Variants in CACNA1C observed in about 807,000 individuals in gnomAD.
The protein encoded by CACNA1C is voltage-dependent L-type calcium channel subunit alpha-1C.
A neutral mutation model predicts 229.0 loss-of-function variants in CACNA1C; 30 were observed. The observed-to-expected ratio is 0.13, with a 90% confidence interval of 0.10 to 0.18. CACNA1C has a LOEUF of 0.18. Among genes scored for constraint, CACNA1C ranks in the 10% least tolerant of loss-of-function variants. The pLI, the probability that CACNA1C is intolerant of heterozygous loss-of-function variation, is 1.00. For missense variants in CACNA1C, 1,658 were observed against 2,845.0 expected, an observed-to-expected ratio of 0.58 and a Z score of 9.49; for synonymous variants, 1,114 against 1,132.5, an observed-to-expected ratio of 0.98 and a Z score of 0.33.
intron 2 of CACNA1C, among the ~76,000 whole-genome samples, chr12:2,117,556 G>A (rs1428926614): frequency 1.3e-5 from 2 of 152,370 alleles, no homozygotes; most frequent in South Asian, 2.1e-4. Flanking sequence ...CCTAAATCAC[G>A]CAGCTGGCAA....
intron 2 of CACNA1C, 28 bp from the exon 3 acceptor site, chr12:2,120,297 C>T (rs760538776): frequency 2.0e-6 from 2 of 1,004,994 alleles, no homozygotes; most frequent in South Asian, 1.3e-5. Flanking sequence ...CTTTCTGTGG[C>T]ATTAACTTCC....
chr12:2,047,182 C>T (rs751325844), intron 1 of CACNA1C, among the ~76,000 whole-genome samples: 1 of 152,210 alleles, frequency 6.6e-6, no homozygotes, highest in Non-Finnish European at 1.5e-5. Flanking sequence ...AGAAAGTTAA[C>T]CTCTTAGCTA....
chr12:2,166,172 A>T (rs1326786937), intron 3 of CACNA1C, among the ~76,000 whole-genome samples: 1 of 152,124 alleles, frequency 6.6e-6, no homozygotes, highest in Admixed American at 6.5e-5. Flanking sequence ...CCCAGCAAAC[A>T]TTCTGTGCTG....
At chr12:2,495,445 T>C (rs779866954) in intron 7 of CACNA1C, among the ~76,000 whole-genome samples, 3 of 152,038 alleles carry the variant, frequency 2.0e-5, no homozygotes, top group Non-Finnish European at 4.4e-5. Context: ...GGAGGGTGGG[T>C]GGAGGGTAGG....
intron 42 of CACNA1C, chr12:2,680,340 G>C (rs1172195161): frequency 2.0e-6 from 3 of 1,502,436 alleles, no homozygotes; most frequent in East Asian, 4.9e-5. Context: ...TTTTCTCCTT[G>C]TCCTCTCATC....
At chr12:2,304,853 C>A (rs190846793) in intron 3 of CACNA1C, among the ~76,000 whole-genome samples, 1 of 152,354 alleles carries the variant, frequency 6.6e-6, no homozygotes, top group Admixed American at 6.5e-5. Context: ...AGGTCTCAGG[C>A]AGGGCAGGCA....
intron 3 of CACNA1C, among the ~76,000 whole-genome samples, chr12:2,336,931 C>T (rs995940735): frequency 1.3e-5 from 2 of 152,182 alleles, no homozygotes; most frequent in East Asian, 3.9e-4. Flanking sequence ...GAAAAGGTGG[C>T]TTCCCCTGGA....
At chr12:2,472,134 A>C (rs1010839322) in intron 5 of CACNA1C, among the ~76,000 whole-genome samples, 2 of 152,182 alleles carry the variant, frequency 1.3e-5, no homozygotes, top group Admixed American at 1.3e-4. Flanking sequence ...AGCTTCTCAG[A>C]TACACTCATA....
At chr12:2,652,248 G>A (rs1049092623) in intron 32 of CACNA1C, among the ~76,000 whole-genome samples, 1 of 152,150 alleles carries the variant, frequency 6.6e-6, no homozygotes, top group Non-Finnish European at 1.5e-5. Context: ...GGCCAGAGTC[G>A]CAGGACCCTG....
intron 30 of CACNA1C, 108 bp downstream of exon 30, chr12:2,634,488 T>TA (rs1219648610): frequency 4.4e-6 from 2 of 459,034 alleles, no homozygotes; most frequent in Non-Finnish European, 7.8e-6. Flanking sequence ...CTTCTTATTT[T>TA]TTTTTTTTAA....
At chr12:2,447,713 C>G (rs1224418745) in intron 3 of CACNA1C, among the ~76,000 whole-genome samples, 1 of 152,236 alleles carries the variant, frequency 6.6e-6, no homozygotes, top group Non-Finnish European at 1.5e-5. Flanking sequence ...CTTGGAGGAA[C>G]CTTCCAGCTG....
intron 9 of CACNA1C, among the ~76,000 whole-genome samples, chr12:2,533,403 C>T (rs960541599): frequency 6.6e-6 from 1 of 152,172 alleles, no homozygotes; most frequent in South Asian, 2.1e-4. Flanking sequence ...GTACACACCC[C>T]GTCCCTTGGC....
chr12:2,485,308 G>A (rs2099693593), intron 5 of CACNA1C, among the ~76,000 whole-genome samples: 1 of 152,120 alleles, frequency 6.6e-6, no homozygotes, highest in Non-Finnish European at 1.5e-5. Context: ...TCGGGGCTGG[G>A]TGTCATCTGG....
intron 3 of CACNA1C, among the ~76,000 whole-genome samples, chr12:2,383,466 G>A (rs947315272): frequency 3.3e-5 from 5 of 152,160 alleles, no homozygotes; most frequent in Non-Finnish European, 7.3e-5. Context: ...ATGTCTTCAT[G>A]TCCGGTTGAG....
intron 3 of CACNA1C, among the ~76,000 whole-genome samples, chr12:2,246,703 C>T (rs1053146741): frequency 5.3e-5 from 8 of 152,292 alleles, no homozygotes; most frequent in South Asian, 2.1e-4. Flanking sequence ...TTAACTGCTA[C>T]GCTCTGTCCT....
chr12:2,213,230 G>A (rs1451204105), intron 3 of CACNA1C, among the ~76,000 whole-genome samples: 1 of 152,208 alleles, frequency 6.6e-6, no homozygotes, highest in Non-Finnish European at 1.5e-5. Flanking sequence ...TGGAACTGAG[G>A]TTAACGCTTC....
In CACNA1C at chr12:2,605,266, A is replaced by C. The variant is rs535368806; in HGVS notation, c.3048+98A>C. 6 of 810,358 alleles carry C rather than the reference A, an allele frequency of 7.4e-6. No homozygotes were observed. Among genetic ancestry groups the C allele is most frequent in the Non-Finnish European group, 8.4e-6 (4 of 478,636 alleles). The allele number at this position is 810,358 out of a possible 1,614,324, so 50.2% of individuals were successfully genotyped here. ...TGGGTTGGAAGGAGATGATGGTCAGACCAAGTGGCTGCCATGTGGGGTCCC... is the reference window on the plus strand; with the variant it reads ...TGGGTTGGAAGGAGATGATGGTCAGCCCAAGTGGCTGCCATGTGGGGTCCC... On this transcript the variant is annotated intron_variant, in intron 23 of 46. Transcript: ENST00000399655. The surrounding 1 kb of genome is among the most constrained non-coding windows in gnomAD (Gnocchi z 6.2).
At chr12:2,574,066 C>T (rs1296193938) in intron 13 of CACNA1C, among the ~76,000 whole-genome samples, 4 of 152,100 alleles carry the variant, frequency 2.6e-5, no homozygotes, top group African/African-American at 9.7e-5. Context: ...GAATATCATT[C>T]ATCCTATTGT....
intron 3 of CACNA1C, among the ~76,000 whole-genome samples, chr12:2,382,270 CA>C (rs1351477558): frequency 1.3e-5 from 2 of 152,188 alleles, no homozygotes; most frequent in Admixed American, 6.5e-5. Context: ...GCAAATATCT[CA>C]AAAATATTGT....
Sources: gnomAD v4.1 joint callset for allele counts (sites outside exome capture counted in the v4.1 genomes callset) on GRCh38, gnomAD v4.1.1 for gene constraint, Gnocchi (gnomAD v3.1) non-coding constraint, MANE v1.5 for transcripts, NCBI Gene and HGNC (gene_info 2026-07-23, HGNC 2026-07-21) for gene names.